Variants in BBS7 observed in about 807,000 individuals in gnomAD.
The protein encoded by BBS7 is BBSome complex member BBS7.
A neutral mutation model predicts 90.3 loss-of-function variants in BBS7; 50 were observed. The observed-to-expected ratio is 0.55, with a 90% CI of 0.44 to 0.70. The LOEUF (loss-of-function observed/expected upper bound fraction) is 0.70. BBS7 is among the 30% of genes least tolerant of loss of function. The pLI, the probability that BBS7 is intolerant of heterozygous loss-of-function variation, is 0.00. For synonymous variants in BBS7, 235 were observed against 287.4 expected (o/e 0.82, Z 1.85); for missense variants, 729 against 838.9 (o/e 0.87, Z 1.62).
chr4:121,839,801 T>C (rs1258721675), intron 12 of BBS7, 105 bp from the exon 13 acceptor site: 9 of 963,186 alleles, frequency 9.3e-6, no homozygotes, highest in Admixed American at 7.8e-5. Context: ...GCACCTGTCA[T>C]TGGTGCTCAG....
At chr4:121,855,455 A>G (rs200035378) in intron 6 of BBS7, 34 bp downstream of exon 6, 3 of 1,568,476 alleles carry the variant, frequency 1.9e-6, no homozygotes, top group Admixed American at 1.7e-5. Context: ...ATTAAAACAC[A>G]TAGTTGATTT....
Position 121,855,568 on chromosome 4 carries a change from G to T in BBS7, c.529-7C>A. 6.2e-7 allele frequency: 1 copy of T among 1,612,160 alleles called. No individual in the cohort carries two copies. On this transcript the variant is annotated splice_region_variant and splice_polypyrimidine_tract_variant and intron_variant, in intron 5 of 18. Coordinates refer to ENST00000264499, the MANE Select transcript of BBS7 (RefSeq NM_176824.3). ...CATACATCACATCAGATCCCTGAAG[G>T]AGAAGTATTTAAAAACTGAAACAGA...
In BBS7 at chr4:121,853,706, G is replaced by A. The variant is rs139524796; in HGVS notation, c.719-620C>T. ...TTCCAGTTTTGACCTGTTGCCCCCC[G>A]CCCCCTCCAATCCATTCTCCAGTGT... On this transcript the variant is annotated intron_variant, in intron 7 of 18. Transcript: ENST00000264499. Among the ~76,000 whole-genome samples the A allele has an allele frequency of 1.2e-3, 170 of 139,916 alleles. 1 individual carries two copies. Among genetic ancestry groups the A allele is most frequent in the African/African-American group, 4.4e-3 (161 of 36,964 alleles). 91.8% of individuals were successfully genotyped at this position (139,916 alleles called of 152,430 possible). A position where few individuals can be genotyped will look rare whatever the true frequency, so the allele number is the denominator to read the frequency against.
Position 121,828,421 on chromosome 4 carries a change from T to C in BBS7, c.1871A>G (p.Gln624Arg). 6 of 1,613,880 alleles carry C rather than the reference T, an allele frequency of 3.7e-6. No individual in the cohort carries two copies. The highest frequency in any genetic ancestry group is 5.1e-6 in the Non-Finnish European group (6 of 1,179,838). ...EYQLLLAKKV[Q>R]LIDALKELQI... The stretch of plus-strand genomic sequence containing the variant: ...ACTTACTTTTAAAGCATCAATTAAC[T>C]GCACTTTCTTAGCCAAAAGCAACTG... The change falls in exon 17 of 19, where the codon CAG (glutamine) becomes CGG (arginine). Residue 624 changes from glutamine to arginine, a missense_variant. Gln to Arg is a conservative substitution (Grantham distance 43, BLOSUM62 1). Coordinates refer to ENST00000264499, the MANE Select transcript of BBS7 (RefSeq NM_176824.3).
At chr4:121,853,107 T>A (rs757939406) in intron 7 of BBS7, 21 bp from the exon 8 acceptor site, 1 of 1,608,556 alleles carries the variant, frequency 6.2e-7, no homozygotes. Flanking sequence ...AGATATGTGA[T>A]AAGTTATTAA....
At position 121,824,770 on chromosome 4, in the gene BBS7, A is replaced by C. The variant is rs1178586916; in HGVS notation, c.*1090T>G. 6.6e-6 allele frequency: 1 copy of C among 151,686 alleles called. No individual in the cohort carries two copies. The highest frequency in any genetic ancestry group is 1.9e-4 in the East Asian group (1 of 5,192). 9.4% of individuals were successfully genotyped at this position (151,686 alleles called of 1,614,324 possible). ...CTCTTAACTATACGTGCCTTTAACAAATTTTTATATTTATATATAAATATA... is the reference window on the plus strand; with the variant it reads ...CTCTTAACTATACGTGCCTTTAACACATTTTTATATTTATATATAAATATA... On this transcript the variant is annotated 3_prime_UTR_variant, in exon 19 of 19. Coordinates refer to ENST00000264499, the MANE Select transcript of BBS7 (RefSeq NM_176824.3). The surrounding 1 kb of genome is among the most constrained non-coding windows in gnomAD (Gnocchi z 4.1).
intron 2 of BBS7, among the ~76,000 whole-genome samples, chr4:121,863,781 C>T (rs1441515047): frequency 6.6e-6 from 1 of 152,028 alleles, no homozygotes; most frequent in African/African-American, 2.4e-5. Flanking sequence ...AAAATGTACA[C>T]AAAATATTAT....
intron 1 of BBS7, among the ~76,000 whole-genome samples, chr4:121,868,888 C>G (rs192489343): frequency 6.6e-6 from 1 of 152,114 alleles, no homozygotes; most frequent in Admixed American, 6.5e-5. Context: ...GTGAAAACAA[C>G]ACATCATGAT....
chr4:121,824,963 T>C lies in BBS7; in HGVS notation c.*897A>G, dbSNP rs1724839386. The C allele has an allele frequency of 1.3e-5, 2 of 152,118 alleles. No individual in the cohort carries two copies. The highest frequency in any genetic ancestry group is 2.9e-5 in the Non-Finnish European group (2 of 68,040). 9.4% of individuals were successfully genotyped at this position (152,118 alleles called of 1,614,324 possible). A position where few individuals can be genotyped will look rare whatever the true frequency, so the allele number is the denominator to read the frequency against. On this transcript the variant is annotated 3_prime_UTR_variant, in exon 19 of 19. Coordinates refer to ENST00000264499, the MANE Select transcript of BBS7 (RefSeq NM_176824.3). The surrounding 1 kb of genome is among the most constrained non-coding windows in gnomAD (Gnocchi z 4.1). ...AATATTCCCTTGAAATTAATAAATA[T>C]GAATTAAGATTAATGCACAAAACTT...
Position 121,831,354 on chromosome 4 carries a change from G to C in BBS7, c.1676+1877C>G, listed in dbSNP as rs1162376342. 4.6e-5 allele frequency among the ~76,000 whole-genome samples: 7 copies of C among 152,086 alleles called. No individual in the cohort carries two copies. In the East Asian group the frequency reaches 1.4e-3, roughly 29 times the overall value. ...GGCTTCAAAAATGTAGCTACTGCAG[G>C]ATGCAGTAGCTTGCACCTATAATCC... is the stretch of plus-strand genomic sequence containing the variant. On this transcript the variant is annotated intron_variant, in intron 15 of 18. Coordinates refer to ENST00000264499, the MANE Select transcript of BBS7 (RefSeq NM_176824.3).
At chr4:121,861,469 G>A (rs749057595) in intron 4 of BBS7, 35 bp downstream of exon 4, 4 of 1,581,956 alleles carry the variant, frequency 2.5e-6, no homozygotes, top group Non-Finnish European at 2.6e-6. Flanking sequence ...TTATAAATAA[G>A]TATGTAAAAA....
intron 5 of BBS7, 46 bp from the exon 6 acceptor site, chr4:121,855,607 A>C (rs1302959961): frequency 1.4e-6 from 2 of 1,466,242 alleles, no homozygotes; most frequent in Non-Finnish European, 1.9e-6. Context: ...CAAACTGAAA[A>C]TAATAGAGGC....
At chr4:121,848,430 C>T (rs954494174) in intron 9 of BBS7, among the ~76,000 whole-genome samples, 4 of 152,238 alleles carry the variant, frequency 2.6e-5, no homozygotes, top group African/African-American at 9.6e-5. Context: ...AGCCTATCTA[C>T]TGTTCACTTA....
intron 13 of BBS7, among the ~76,000 whole-genome samples, chr4:121,836,956 T>G (rs575394002): frequency 6.9e-6 from 1 of 145,114 alleles, no homozygotes; most frequent in African/African-American, 2.5e-5. Flanking sequence ...TTCTGTGTTT[T>G]GGGTTTTTTT....
At chr4:121,841,277 G>A (rs547659743) in intron 12 of BBS7, among the ~76,000 whole-genome samples, 137 of 152,196 alleles carry the variant, frequency 9.0e-4, no homozygotes, top group African/African-American at 3.2e-3. Context: ...TGACTGGGCT[G>A]GGCATGGTGG....
chr4:121,864,354 AT>A (rs1727148253), intron 2 of BBS7, among the ~76,000 whole-genome samples: 1 of 152,226 alleles, frequency 6.6e-6, no homozygotes, highest in South Asian at 2.1e-4. Context: ...TTCTTCAAAT[AT>A]TTCAGCCAAA....
chr4:121,852,984 G>C lies in BBS7; in HGVS notation c.821C>G (p.Ala274Gly), dbSNP rs754878470. The C allele has an allele frequency of 1.9e-6, 3 of 1,613,548 alleles. No homozygotes were observed. The East Asian group carries it at 6.7e-5, about 36-fold the overall frequency. The change falls in exon 8 of 19, where the codon GCA (alanine) becomes GGA (glycine). Residue 274 changes from alanine (A) to glycine (G), a missense_variant. By Grantham distance (60) the Ala-to-Gly change is moderately conservative (BLOSUM62 0). Coordinates refer to ENST00000264499, the MANE Select transcript of BBS7 (RefSeq NM_176824.3). ...GMVEVYSFDN[A>G]NEPVLRFDQM... ...ATCAAATCGTAGAACAGGTTCATTT[G>C]CATTATCAAAACTATACACTTCCAC...
chr4:121,867,539 A>G (rs899208878), intron 2 of BBS7, among the ~76,000 whole-genome samples: 1 of 152,230 alleles, frequency 6.6e-6, no homozygotes, highest in African/African-American at 2.4e-5. Flanking sequence ...TGGCTAGTCT[A>G]CTAAGAAACT....
At position 121,825,074 on chromosome 4, in the gene BBS7, C is replaced by T. The variant is rs1054916922; in HGVS notation, c.*786G>A. 6.6e-6 allele frequency: 1 copy of T among 152,180 alleles called. No homozygotes were observed. Among genetic ancestry groups the T allele is most frequent in the African/African-American group, 2.4e-5 (1 of 41,436 alleles). 9.4% of individuals were successfully genotyped at this position (152,180 alleles called of 1,614,324 possible). ...CTAAGATGGCATCACTATTTCTGCA[C>T]TCTTCACTTGAAGCACGCTGAATAG... On this transcript the variant is annotated 3_prime_UTR_variant, in exon 19 of 19. Coordinates refer to ENST00000264499, the MANE Select transcript of BBS7 (RefSeq NM_176824.3).
Sources: gnomAD v4.1 joint callset for allele counts (sites outside exome capture counted in the v4.1 genomes callset) on GRCh38, gnomAD v4.1.1 for gene constraint, Gnocchi (gnomAD v3.1) non-coding constraint, MANE v1.5 for transcripts, NCBI Gene and HGNC (gene_info 2026-07-23, HGNC 2026-07-21) for gene names.